Variants in TAC1 observed in about 807,000 individuals in gnomAD.
The protein encoded by TAC1 is tachykinin precursor 1, also known as protachykinin-1.
Under a neutral mutation model 21.7 loss-of-function variants are expected in TAC1, and 12 were observed. The ratio of observed to expected loss-of-function variants is 0.55; its 90% confidence interval spans 0.35 to 0.89. TAC1 has a LOEUF of 0.89. TAC1 is among the 40% of genes least tolerant of loss of function. TAC1 has a pLI of 0.01. For synonymous variants in TAC1, 52 were observed against 52.0 expected (o/e 1.00, Z 0.00); for missense variants, 128 against 151.4 (o/e 0.85, Z 0.81).
At position 97,739,965 on chromosome 7, in the gene TAC1, G is replaced by C; in HGVS notation, c.*45G>C. ...TATTCAGCTTCATTTGTGTCAATGG[G>C]CAATGACAGGTAAATTAAGACATGC... On this transcript the variant is annotated 3_prime_UTR_variant, in exon 7 of 7. Transcript: ENST00000319273. 4.5e-6 allele frequency: 6 copies of C among 1,338,452 alleles called. No individual in the cohort carries two copies. The highest frequency in any genetic ancestry group is 6.3e-6 in the Non-Finnish European group (6 of 954,414). The allele number at this position is 1,338,452 out of a possible 1,614,324, so 82.9% of individuals were successfully genotyped here.
In TAC1 at chr7:97,736,142, T is replaced by C. The variant is rs144570035; in HGVS notation, c.290-157T>C. Among the ~76,000 whole-genome samples the C allele has an allele frequency of 7.9e-4, 120 of 152,232 alleles. 2 individuals carry two copies. The East Asian group carries it at 9.8e-3, about 12-fold the overall frequency. ...ATTGTTTTAGTGTAATTTATAAAACTTTTAAGGAATCTTTATTTCTTCAGT... is the reference window on the plus strand; with the variant it reads ...ATTGTTTTAGTGTAATTTATAAAACCTTTAAGGAATCTTTATTTCTTCAGT... On this transcript the variant is annotated intron_variant, in intron 5 of 6. Transcript: ENST00000319273.
At chr7:97,739,670 G>A (rs1470916802) in intron 6 of TAC1, among the ~76,000 whole-genome samples, 1 of 152,004 alleles carries the variant, frequency 6.6e-6, no homozygotes, top group Non-Finnish European at 1.5e-5. Flanking sequence ...GAATGAAACC[G>A]AGTTCTGTGG....
intron 5 of TAC1, among the ~76,000 whole-genome samples, chr7:97,735,654 A>T (rs1426908987): frequency 6.6e-6 from 1 of 151,332 alleles, no homozygotes; most frequent in Non-Finnish European, 1.5e-5. Context: ...CACTAGCATT[A>T]AAATAGTAAC....
chr7:97,734,893 A>T, intron 5 of TAC1, 44 bp downstream of exon 5: 1 of 1,408,020 alleles, frequency 7.1e-7, no homozygotes, highest in Non-Finnish European at 9.9e-7. Context: ...TTAAATGTAA[A>T]ATTATATTGA....
chr7:97,734,136 A>T (rs752331620), intron 3 of TAC1, 112 bp from the exon 4 acceptor site: 1 of 1,071,898 alleles, frequency 9.3e-7, no homozygotes, highest in Non-Finnish European at 1.4e-6. Flanking sequence ...AGAGGATTTT[A>T]TAGCATTCCC....
At chr7:97,736,632 T>C (rs1375572341) in intron 6 of TAC1, among the ~76,000 whole-genome samples, 1 of 152,054 alleles carries the variant, frequency 6.6e-6, no homozygotes, top group Non-Finnish European at 1.5e-5. Context: ...CTATATTCTT[T>C]CCTATAGATC....
At chr7:97,735,736 G>T (rs781101709) in intron 5 of TAC1, among the ~76,000 whole-genome samples, 6 of 152,040 alleles carry the variant, frequency 3.9e-5, no homozygotes, top group Admixed American at 2.6e-4. Flanking sequence ...ACTTTGAAGA[G>T]AATTATATAT....
At chr7:97,734,647 ATATT>A (rs1359017476) in intron 4 of TAC1, among the ~76,000 whole-genome samples, 175 bp from the exon 5 acceptor site, 3 of 152,098 alleles carry the variant, frequency 2.0e-5, no homozygotes, top group Non-Finnish European at 4.4e-5. Context: ...GTTTGTTTAA[ATATT>A]TAGTTTTTAT....
chr7:97,732,561 A>G lies in TAC1; in HGVS notation c.-9-43A>G. 8 of 1,610,600 alleles carry G rather than the reference A, an allele frequency of 5.0e-6. No homozygotes were observed. Among genetic ancestry groups the G allele is most frequent in the Admixed American group, 3.3e-5 (2 of 59,788 alleles). On this transcript the variant is annotated intron_variant, in intron 1 of 6. Coordinates refer to ENST00000319273, the MANE Select transcript of TAC1 (RefSeq NM_003182.3). This position sits in a 1 kb window ranked among gnomAD's most constrained non-coding sequence, Gnocchi z 6.2. ...TTGGATAACCACCCCTAATAGATAC[A>G]TTATTTCTCTCTTTGGTGTCTTCTC...
At position 97,732,781 on chromosome 7, in the gene TAC1, G is replaced by A. The variant is rs772978420; in HGVS notation, c.123+46G>A. The A allele has an allele frequency of 5.7e-6, 9 of 1,590,666 alleles. No individual in the cohort carries two copies. The highest frequency in any genetic ancestry group is 4.0e-5 in the African/African-American group (3 of 74,370). On this transcript the variant is annotated intron_variant, in intron 2 of 6. Transcript: ENST00000319273. This position sits in a 1 kb window ranked among gnomAD's most constrained non-coding sequence, Gnocchi z 6.2. Reference sequence around the variant, plus strand: ...GGCCCGCACCCTTCTTCCTGGGCTCGGGAGCTGTCACCTTCCCACGCAACA... The same window carrying A: ...GGCCCGCACCCTTCTTCCTGGGCTCAGGAGCTGTCACCTTCCCACGCAACA...
chr7:97,735,183 T>TAAAC (rs894898403), intron 5 of TAC1, among the ~76,000 whole-genome samples: 17 of 152,082 alleles, frequency 1.1e-4, no homozygotes, highest in African/African-American at 3.9e-4. Flanking sequence ...ACTTTCACTG[T>TAAAC]AAACAAACAA....
intron 6 of TAC1, among the ~76,000 whole-genome samples, chr7:97,738,248 G>C (rs1001392194): frequency 6.6e-6 from 1 of 151,868 alleles, no homozygotes. Flanking sequence ...CTCATGGTCA[G>C]GGACCCCTTT....
At chr7:97,736,634 C>T (rs1189104953) in intron 6 of TAC1, among the ~76,000 whole-genome samples, 1 of 151,956 alleles carries the variant, frequency 6.6e-6, no homozygotes, top group Non-Finnish European at 1.5e-5. Flanking sequence ...ATATTCTTTC[C>T]TATAGATCTG....
At position 97,734,809 on chromosome 7, in the gene TAC1, T is replaced by C. The variant is rs1356597424; in HGVS notation, c.266-17T>C. On this transcript the variant is annotated splice_polypyrimidine_tract_variant and intron_variant, in intron 4 of 6. Coordinates refer to ENST00000319273, the MANE Select transcript of TAC1 (RefSeq NM_003182.3). ...AAACAAATCTATATGTGTTTGCTAA[T>C]TTTATCTTTCTTCTAGGACATGGCC... is the stretch of plus-strand genomic sequence containing the variant. 1 of 1,586,250 alleles carries C rather than the reference T, an allele frequency of 6.3e-7. No individual in the cohort carries two copies. The highest frequency in any genetic ancestry group is 1.1e-5 in the South Asian group (1 of 88,288).
Position 97,732,764 on chromosome 7 carries a change from C to G in TAC1, c.123+29C>G, listed in dbSNP as rs940309470. 2.2e-5 allele frequency: 35 copies of G among 1,603,856 alleles called. No individual in the cohort carries two copies. Among genetic ancestry groups the G allele is most frequent in the Non-Finnish European group, 3.0e-5 (35 of 1,174,778 alleles). Reference sequence around the variant, plus strand: ...AGGCCCCTTCCCAGGACGGCCCGCACCCTTCTTCCTGGGCTCGGGAGCTGT... The same window carrying G: ...AGGCCCCTTCCCAGGACGGCCCGCAGCCTTCTTCCTGGGCTCGGGAGCTGT... On this transcript the variant is annotated intron_variant, in intron 2 of 6. Coordinates refer to ENST00000319273, the MANE Select transcript of TAC1 (RefSeq NM_003182.3). The surrounding 1 kb of genome is among the most constrained non-coding windows in gnomAD (Gnocchi z 6.2).
rs1166520012 is a variant in TAC1, at chr7:97,736,346, A to C, written c.337A>C (p.Asn113His). The C allele has an allele frequency of 6.2e-7, 1 of 1,610,672 alleles. No homozygotes were observed. Among genetic ancestry groups the C allele is most frequent in the Non-Finnish European group, 8.5e-7 (1 of 1,177,798 alleles). Reference protein sequence around the residue: ...FVGLMGKRALNSVAYERSAMQ... With the variant: ...FVGLMGKRALHSVAYERSAMQ... ...TGGACTAATGGGCAAAAGAGCTTTA[A>C]ATTCTGGTATGTATGAAATTATGAC... Residue 113 changes from asparagine (N) to histidine (H), a missense_variant, in exon 6 of 7, where the codon AAT (asparagine) becomes CAT (histidine). Physicochemically the swap from Asn to His is moderately conservative, Grantham distance 68. Coordinates refer to ENST00000319273, the MANE Select transcript of TAC1 (RefSeq NM_003182.3).
rs1789671520 is a variant in TAC1, at chr7:97,740,072, A to G, written c.*152A>G. ...AGTGTTTATTTTTCATATTGTGCCA[A>G]TATGTATTGTAAACATGTGTTTTAA... On this transcript the variant is annotated 3_prime_UTR_variant, in exon 7 of 7. Transcript: ENST00000319273. 1 of 545,716 alleles carries G rather than the reference A, an allele frequency of 1.8e-6. No individual in the cohort carries two copies. The highest frequency in any genetic ancestry group is 3.1e-6 in the Non-Finnish European group (1 of 317,744). The allele number at this position is 545,716 out of a possible 1,614,324, so 33.8% of individuals were successfully genotyped here. A position where few individuals can be genotyped will look rare whatever the true frequency, so the allele number is the denominator to read the frequency against.
At chr7:97,734,681 ATTTATGG>A (rs1789542417) in intron 4 of TAC1, 138 bp from the exon 5 acceptor site, 1 of 662,820 alleles carries the variant, frequency 1.5e-6, no homozygotes. Context: ...TTTGTTTAGC[ATTTATGG>A]TTCTGCTTTA....
At chr7:97,738,145 G>T (rs1028460679) in intron 6 of TAC1, among the ~76,000 whole-genome samples, 1 of 151,974 alleles carries the variant, frequency 6.6e-6, no homozygotes, top group African/African-American at 2.4e-5. Context: ...AAAAAAATGT[G>T]ATATGATCCA....
Sources: allele counts gnomAD v4.1 joint callset (sites outside exome capture counted in the v4.1 genomes callset), GRCh38; gene constraint gnomAD v4.1.1; non-coding constraint Gnocchi (gnomAD v3.1); transcripts MANE v1.5; gene names NCBI Gene and HGNC (gene_info 2026-07-23, HGNC 2026-07-21).